The following RAB5B variants were observed in gnomAD, a reference collection of about 807,000 sequenced individuals.
RAB5B encodes RAB5B, member RAS oncogene family.
In RAB5B, 11 loss-of-function variants were observed where a neutral mutation model predicts 28.6. The observed-to-expected ratio is 0.38, with a 90% CI of 0.24 to 0.64. The LOEUF (loss-of-function observed/expected upper bound fraction) is 0.64. Among genes scored for constraint, RAB5B ranks in the 30% least tolerant of loss-of-function variants. The pLI, the probability that RAB5B is intolerant of heterozygous loss-of-function variation, is 0.53. For synonymous variants in RAB5B, 93 were observed against 97.9 expected, an observed-to-expected ratio of 0.95 and a Z score of 0.29; for missense variants, 169 against 265.6, an observed-to-expected ratio of 0.64 and a Z score of 2.53.
intron 1 of RAB5B, among the ~76,000 whole-genome samples, chr12:55,982,401 T>G (rs542202431): frequency 6.8e-4 from 104 of 152,248 alleles, no homozygotes; most frequent in African/African-American, 2.5e-3. Flanking sequence ...CATGATAAGA[T>G]TAAAGATCAA....
chr12:55,990,709 G>A lies in RAB5B; in HGVS notation c.343G>A (p.Val115Met), dbSNP rs1359489231. The change falls in exon 4 of 6, where the codon GTG becomes ATG. Residue 115 changes from valine to methionine, a missense_variant. Coordinates refer to ENST00000360299, the MANE Select transcript of RAB5B (RefSeq NM_002868.4). ...QETFARAKTW[V>M]KELQRQASPS... Reference sequence around the variant, plus strand: ...AACCTTTGCCCGAGCAAAGACATGGGTGAAGGAACTACAGCGACAGGCCAG... The same window carrying A: ...AACCTTTGCCCGAGCAAAGACATGGATGAAGGAACTACAGCGACAGGCCAG... 1 of 1,614,000 alleles carries A rather than the reference G, an allele frequency of 6.2e-7. No homozygotes were observed. The highest frequency in any genetic ancestry group is 2.2e-5 in the East Asian group (1 of 44,870).
In RAB5B at chr12:55,991,080, T is replaced by C. The variant is rs1002094393; in HGVS notation, c.438+276T>C. On this transcript the variant is annotated intron_variant, in intron 4 of 5. Transcript: ENST00000360299. ...AAGGAGGGAGCAATTAAATTTGTGG[T>C]AAGGGACTATTCAAGTGTCACAACC... The C allele has an allele frequency of 5.6e-6, 3 of 534,126 alleles. No individual in the cohort carries two copies. The African/African-American group carries it at 5.7e-5, about 10-fold the overall frequency. 33.1% of individuals were successfully genotyped at this position (534,126 alleles called of 1,614,324 possible). A position where few individuals can be genotyped will look rare whatever the true frequency, so the allele number is the denominator to read the frequency against.
intron 1 of RAB5B, among the ~76,000 whole-genome samples, chr12:55,976,317 A>T (rs574194834): frequency 5.3e-5 from 8 of 152,024 alleles, no homozygotes; most frequent in East Asian, 1.9e-4. Flanking sequence ...TCTGTTATTT[A>T]TTGTGTTCCT....
chr12:55,980,033 C>T (rs1889755870), intron 1 of RAB5B, among the ~76,000 whole-genome samples: 1 of 152,122 alleles, frequency 6.6e-6, no homozygotes, highest in South Asian at 2.1e-4. Flanking sequence ...AGAACAGGAG[C>T]AAATTCCCTA....
At chr12:55,980,872 C>G in intron 1 of RAB5B, 2 of 1,610,944 alleles carry the variant, frequency 1.2e-6, no homozygotes, top group Non-Finnish European at 1.7e-6. Context: ...TGATCTTCTT[C>G]CCCTCTATAT....
intron 1 of RAB5B, among the ~76,000 whole-genome samples, chr12:55,984,511 G>A (rs1006720115): frequency 2.6e-5 from 4 of 151,392 alleles, no homozygotes; most frequent in African/African-American, 7.3e-5. Flanking sequence ...ACGGAGTCTC[G>A]CTCTGTCACC....
At position 55,995,988 on chromosome 12, in the gene RAB5B, TA is replaced by T. The variant is rs1288725143; in HGVS notation, c.*3777del. ...CTCTCTCTCCATATATATATACATA[TA>T]TATATATATATATATTTTTTTTTTA... On this transcript the variant is annotated 3_prime_UTR_variant, in exon 6 of 6. Transcript: ENST00000360299. The T allele has an allele frequency of 1.8e-5, 2 of 111,690 alleles. No homozygotes were observed. Among genetic ancestry groups the T allele is most frequent in the African/African-American group, 7.3e-5 (2 of 27,230 alleles). 6.9% of individuals were successfully genotyped at this position (111,690 alleles called of 1,614,324 possible). A position where few individuals can be genotyped will look rare whatever the true frequency, so the allele number is the denominator to read the frequency against.
chr12:55,984,029 C>A (rs964196946), intron 1 of RAB5B, among the ~76,000 whole-genome samples: 16 of 151,704 alleles, frequency 1.1e-4, no homozygotes, highest in African/African-American at 3.9e-4. Context: ...CGATCTCCCC[C>A]CTACCCACCC....
At position 55,991,472 on chromosome 12, in the gene RAB5B, G is replaced by A. The variant is rs1411218744; in HGVS notation, c.532+19G>A. On this transcript the variant is annotated intron_variant, in intron 5 of 5. Coordinates refer to ENST00000360299, the MANE Select transcript of RAB5B (RefSeq NM_002868.4). ...GCAATAGGTAAGGTCAGAACATCCTGAGGTCCTCCTTTTTCCCTCGTTTAT... is the reference window on the plus strand; with the variant it reads ...GCAATAGGTAAGGTCAGAACATCCTAAGGTCCTCCTTTTTCCCTCGTTTAT... 1.3e-6 allele frequency: 2 copies of A among 1,594,188 alleles called. No individual in the cohort carries two copies. Among genetic ancestry groups the A allele is most frequent in the South Asian group, 2.2e-5 (2 of 90,608 alleles).
intron 1 of RAB5B, chr12:55,981,052 C>G: frequency 6.2e-7 from 1 of 1,608,192 alleles, no homozygotes. Context: ...CCGGGGGAGC[C>G]GGGGAAGGGA....
Position 55,985,738 on chromosome 12 carries a change from G to A in RAB5B, c.-92-1131G>A, listed in dbSNP as rs80087449. ...GTCTTTAGAAGGTATACCTTTCTCT[G>A]CCTCTAATTTGGAGGGCTACAGCTG... On this transcript the variant is annotated intron_variant, in intron 1 of 5. Transcript: ENST00000360299. 3.1e-3 allele frequency: 1,421 copies of A among 455,984 alleles called. 5 individuals are homozygous for A. The highest frequency in any genetic ancestry group is 7.9e-3 in the South Asian group (512 of 64,550). The allele number at this position is 455,984 out of a possible 1,614,324, so 28.2% of individuals were successfully genotyped here.
At chr12:55,992,048 A>AGGGAAGTAAAGTCT (rs1565790388) in intron 5 of RAB5B, 49 bp from the exon 6 acceptor site, 1 of 1,449,548 alleles carries the variant, frequency 6.9e-7, no homozygotes, top group Non-Finnish European at 9.7e-7. Flanking sequence ...GCAGAGGGGT[A>AGGGAAGTAAAGTCT]GGGAAGTAAA....
intron 1 of RAB5B, among the ~76,000 whole-genome samples, chr12:55,984,559 C>T (rs568913971): frequency 4.1e-4 from 63 of 152,304 alleles, no homozygotes; most frequent in African/African-American, 1.4e-3. Flanking sequence ...TCAGTGCACC[C>T]TCTACCTTCT....
intron 5 of RAB5B, 194 bp downstream of exon 5, chr12:55,991,647 G>A (rs183525538): frequency 3.2e-5 from 17 of 533,168 alleles, no homozygotes; most frequent in Admixed American, 1.3e-4. Flanking sequence ...TAAGTTTGCC[G>A]GCCAGGTGTG....
chr12:55,980,891 C>T (rs1466591060), intron 1 of RAB5B: 39 of 1,611,438 alleles, frequency 2.4e-5, no homozygotes, highest in African/African-American at 4.0e-5. Flanking sequence ...ATCCACAGTG[C>T]GGATCTTGAA....
chr12:55,978,334 C>T (rs527664849), intron 1 of RAB5B, among the ~76,000 whole-genome samples: 2 of 152,156 alleles, frequency 1.3e-5, no homozygotes, highest in East Asian at 3.9e-4. Context: ...CCCGTCTCTA[C>T]TAAACAAAAT....
Position 55,995,650 on chromosome 12 carries a change from A to G in RAB5B, c.*3438A>G, listed in dbSNP as rs1417284759. 6.6e-6 allele frequency: 1 copy of G among 152,174 alleles called. No individual in the cohort carries two copies. The highest frequency in any genetic ancestry group is 1.5e-5 in the Non-Finnish European group (1 of 68,038). The allele number at this position is 152,174 out of a possible 1,614,324, so 9.4% of individuals were successfully genotyped here. ...CAAAGAATCTGAAGGTGGATAGGAA[A>G]GAGGACTGGTGCCAGACAAATCTGA... On this transcript the variant is annotated 3_prime_UTR_variant, in exon 6 of 6. Coordinates refer to ENST00000360299, the MANE Select transcript of RAB5B (RefSeq NM_002868.4).
At chr12:55,978,293 A>AT (rs1260650424) in intron 1 of RAB5B, among the ~76,000 whole-genome samples, 2 of 152,126 alleles carry the variant, frequency 1.3e-5, no homozygotes, top group African/African-American at 2.4e-5. Flanking sequence ...AGGTCAGGAG[A>AT]TTGAGACCAT....
At chr12:55,981,087 A>G in intron 1 of RAB5B, 1 of 1,497,732 alleles carries the variant, frequency 6.7e-7, no homozygotes. Flanking sequence ...TATTTTTGAG[A>G]CGGAATCGCT....
Sources: gnomAD v4.1 joint callset for allele counts (sites outside exome capture counted in the v4.1 genomes callset) on GRCh38, gnomAD v4.1.1 for gene constraint, MANE v1.5 for transcripts, NCBI Gene and HGNC (gene_info 2026-07-23, HGNC 2026-07-21) for gene names.